Variants in CADM2 observed in about 807,000 individuals in gnomAD.
The protein encoded by CADM2 is cell adhesion molecule 2, also known as immunoglobulin superfamily member 4D.
A neutral mutation model predicts 49.8 loss-of-function variants in CADM2; 12 were observed. The ratio of observed to expected loss-of-function variants is 0.24; its 90% CI spans 0.15 to 0.39. The LOEUF (loss-of-function observed/expected upper bound fraction) is 0.39. CADM2 is among the 10% of genes least tolerant of loss of function. The pLI is 1.00. For missense variants in CADM2, 378 were observed against 492.3 expected (o/e 0.77, Z 2.20); for synonymous variants, 214 against 175.4 (o/e 1.22, Z -1.74).
chr3:86,015,938 T>C (rs890196957), intron 8 of CADM2, among the ~76,000 whole-genome samples: 1 of 152,210 alleles, frequency 6.6e-6, no homozygotes, highest in Admixed American at 6.5e-5. Flanking sequence ...TTGTGGTTTA[T>C]CTAGAAAACT....
intron 1 of CADM2, among the ~76,000 whole-genome samples, chr3:85,293,323 G>T (rs1272617161): frequency 6.6e-6 from 1 of 151,202 alleles, no homozygotes; most frequent in Non-Finnish European, 1.5e-5. Context: ...AAGAGTCCAG[G>T]ACCAGATGGA....
At chr3:86,042,972 C>A (rs1341933342) in intron 8 of CADM2, among the ~76,000 whole-genome samples, 1 of 152,078 alleles carries the variant, frequency 6.6e-6, no homozygotes, top group Non-Finnish European at 1.5e-5. Flanking sequence ...GAACCAAAGA[C>A]AAAAACCACT....
rs545445695 is a variant in CADM2, at chr3:85,923,305, T to C, written c.700+10762T>C. On this transcript the variant is annotated intron_variant, in intron 6 of 9. Coordinates refer to ENST00000383699, the MANE Select transcript of CADM2 (RefSeq NM_001167675.2). ...TATTGTGTGGTGAAGTCCTTCTTTG[T>C]ATTAGAAACTGTTCCAACTCATCTA... Among the ~76,000 whole-genome samples the C allele has an allele frequency of 4.6e-5, 7 of 152,264 alleles. No homozygotes were observed. The East Asian group carries it at 9.7e-4, about 21-fold the overall frequency.
intron 1 of CADM2, among the ~76,000 whole-genome samples, chr3:85,406,452 A>C (rs2107455663): frequency 6.6e-6 from 1 of 152,310 alleles, no homozygotes; most frequent in Non-Finnish European, 1.5e-5. Context: ...AAGTTTTTAA[A>C]TCTTAACTCT....
At chr3:85,405,893 G>A (rs2035351006) in intron 1 of CADM2, among the ~76,000 whole-genome samples, 1 of 151,074 alleles carries the variant, frequency 6.6e-6, no homozygotes, top group Non-Finnish European at 1.5e-5. Context: ...ACCAGCCTGT[G>A]TGACAGCGTG....
At chr3:85,191,278 C>T (rs925246156) in intron 1 of CADM2, among the ~76,000 whole-genome samples, 1 of 151,844 alleles carries the variant, frequency 6.6e-6, no homozygotes, top group Non-Finnish European at 1.5e-5. Flanking sequence ...AAAATCATAA[C>T]TTATTTTTGA....
chr3:85,083,782 G>A (rs995363553), intron 1 of CADM2, among the ~76,000 whole-genome samples: 9 of 151,796 alleles, frequency 5.9e-5, no homozygotes, highest in African/African-American at 1.5e-4. Flanking sequence ...CTGAATTACC[G>A]AGCAAGCAAA....
At chr3:85,813,897 T>C (rs2073041693) in intron 3 of CADM2, among the ~76,000 whole-genome samples, 1 of 152,172 alleles carries the variant, frequency 6.6e-6, no homozygotes, top group Non-Finnish European at 1.5e-5. Context: ...CATTGGTCTG[T>C]ATATCTGTTT....
chr3:85,132,819 G>A (rs1430977588), intron 1 of CADM2, among the ~76,000 whole-genome samples: 1 of 152,154 alleles, frequency 6.6e-6, no homozygotes, highest in African/African-American at 2.4e-5. Flanking sequence ...AATCCACATG[G>A]TATAGTAGTG....
At chr3:85,660,178 A>G (rs1250796831) in intron 1 of CADM2, among the ~76,000 whole-genome samples, 1 of 152,120 alleles carries the variant, frequency 6.6e-6, no homozygotes, top group African/African-American at 2.4e-5. Context: ...CAAAAAGGGT[A>G]AGAGATTTCT....
intron 1 of CADM2, among the ~76,000 whole-genome samples, chr3:84,969,974 G>A (rs1416454359): frequency 1.3e-5 from 2 of 150,864 alleles, no homozygotes; most frequent in East Asian, 1.9e-4. Context: ...TGGCATTTCC[G>A]GATAAATGTA....
chr3:85,380,321 A>G (rs977840486), intron 1 of CADM2, among the ~76,000 whole-genome samples: 1 of 151,948 alleles, frequency 6.6e-6, no homozygotes, highest in Non-Finnish European at 1.5e-5. Context: ...TATATACACA[A>G]TATATAAATG....
At chr3:85,869,898 T>TG (rs1396973704) in intron 3 of CADM2, among the ~76,000 whole-genome samples, 1 of 152,126 alleles carries the variant, frequency 6.6e-6, no homozygotes. Flanking sequence ...CCTGACCTCG[T>TG]GATCCTCCCG....
At chr3:85,993,416 G>A (rs1312324823) in intron 8 of CADM2, 1 of 152,124 alleles carries the variant, frequency 6.6e-6, no homozygotes, top group Non-Finnish European at 1.5e-5. Context: ...AGTCTTGAAT[G>A]TCTCAAAGTC....
chr3:85,818,418 C>G (rs2073351354), intron 3 of CADM2, among the ~76,000 whole-genome samples: 1 of 152,144 alleles, frequency 6.6e-6, no homozygotes, highest in Non-Finnish European at 1.5e-5. Context: ...AGCGCTGGTG[C>G]TTGACACTGG....
At chr3:85,959,150 A>ATCTCTC (rs71128104) in intron 7 of CADM2, among the ~76,000 whole-genome samples, 7,354 of 145,082 alleles carry the variant, frequency 0.051, 480 homozygotes, top group African/African-American at 0.14. Context: ...TTATCTATCT[A>ATCTCTC]TCTCTCTCTC....
intron 2 of CADM2, among the ~76,000 whole-genome samples, chr3:85,795,717 G>C (rs2071581235): frequency 6.6e-6 from 1 of 152,144 alleles, no homozygotes. Context: ...GGGACAGTTA[G>C]TTATCAAAAA....
At chr3:85,113,634 A>G (rs1261053062) in intron 1 of CADM2, among the ~76,000 whole-genome samples, 2 of 151,718 alleles carry the variant, frequency 1.3e-5, no homozygotes, top group South Asian at 2.1e-4. Flanking sequence ...ATACTTCTAA[A>G]TGTAATTAAA....
chr3:85,388,526 A>G (rs2034358718), intron 1 of CADM2, among the ~76,000 whole-genome samples: 1 of 152,178 alleles, frequency 6.6e-6, no homozygotes, highest in Non-Finnish European at 1.5e-5. Flanking sequence ...TTTATGTATG[A>G]ATGTACGTAT....
Sources: gnomAD v4.1 joint callset for allele counts (sites outside exome capture counted in the v4.1 genomes callset) on GRCh38, gnomAD v4.1.1 for gene constraint, MANE v1.5 for transcripts, NCBI Gene and HGNC (gene_info 2026-07-23, HGNC 2026-07-21) for gene names.